SUSD1: variants seen among roughly 807,000 people sequenced by gnomAD.
SUSD1 encodes sushi domain-containing protein 1.
Under a neutral mutation model 86.9 loss-of-function variants are expected in SUSD1, and 65 were observed. The ratio of observed to expected loss-of-function variants is 0.75; its 90% CI spans 0.61 to 0.92. The LOEUF (loss-of-function observed/expected upper bound fraction) is 0.92, where lower values mean the gene tolerates loss of function less well. Ranked by LOEUF, SUSD1 falls within the 40% of genes least tolerant of loss-of-function variation. The pLI, the probability that SUSD1 is intolerant of heterozygous loss-of-function variation, is 0.00. For missense variants in SUSD1, 850 were observed against 929.7 expected (o/e 0.91, Z 1.11); for synonymous variants, 346 against 350.0 (o/e 0.99, Z 0.13).
chr9:112,165,913 G>GAAAGAAAAAGAAAGAAA lies in SUSD1; in HGVS notation c.104-8301_104-8300insTTTCTTTCTTTTTCTTT. Among the ~76,000 whole-genome samples the GAAAGAAAAAGAAAGAAA allele has an allele frequency of 4.5e-5, 3 of 67,306 alleles. No individual in the cohort carries two copies. In the South Asian group the frequency reaches 1.5e-3, roughly 33 times the overall value. The allele number at this position is 67,306 out of a possible 152,430, so 44.2% of individuals were successfully genotyped here. A position where few individuals can be genotyped will look rare whatever the true frequency, so the allele number is the denominator to read the frequency against. On this transcript the variant is annotated intron_variant, in intron 1 of 16. Transcript: ENST00000374270. ...AGAAAGAAAGAAAGGAAGGAAGGAA[G>GAAAGAAAAAGAAAGAAA]GAAGAAAGAAAAGAAAGAAAGAAAG... is the stretch of plus-strand genomic sequence containing the variant.
At chr9:112,135,643 T>A (rs1026141590) in intron 5 of SUSD1, among the ~76,000 whole-genome samples, 3 of 152,176 alleles carry the variant, frequency 2.0e-5, no homozygotes, top group African/African-American at 7.2e-5. Context: ...GGAAAATAAA[T>A]AAATAAGGTA....
At chr9:112,150,272 C>T (rs1832988866) in intron 2 of SUSD1, among the ~76,000 whole-genome samples, 1 of 152,226 alleles carries the variant, frequency 6.6e-6, no homozygotes, top group Non-Finnish European at 1.5e-5. Flanking sequence ...CTCTGCCTAA[C>T]CCTCTAATTT....
rs1455209013 is a variant in SUSD1, at chr9:112,135,211, G to A, written c.706+7109C>T. On this transcript the variant is annotated intron_variant, in intron 5 of 16. Transcript: ENST00000374270. ...CCAAAAGTCTACTTGCTCTTAAGGC[G>A]ATAGAAAGAAAAACAGATTACTTTT... Among the ~76,000 whole-genome samples, 3 of 151,930 alleles carry A rather than the reference G, an allele frequency of 2.0e-5. No individual in the cohort carries two copies. In the South Asian group the frequency reaches 6.2e-4, roughly 31 times the overall value.
intron 12 of SUSD1, among the ~76,000 whole-genome samples, chr9:112,071,537 C>T (rs2762498): frequency 0.13 from 19,181 of 151,976 alleles, 1,281 homozygotes; most frequent in East Asian, 0.22. Context: ...ATATTAATAT[C>T]ACTAATGAAG....
chr9:112,045,921 G>T (rs1589568168), intron 15 of SUSD1, among the ~76,000 whole-genome samples: 1 of 152,186 alleles, frequency 6.6e-6, no homozygotes, highest in Non-Finnish European at 1.5e-5. Flanking sequence ...CCTCACAAAC[G>T]AAGAGGACAA....
In SUSD1 at chr9:112,098,496, T is replaced by G; in HGVS notation, c.1448A>C (p.Gln483Pro). ...LLRSPKRHSV[Q>P]ITIATPPAVK... Reference sequence around the variant, plus strand: ...TGCTGGGGGAGTTGCTATTGTTATTTGCACTGAGTGCCGCTTAGGAGATCT... The same window carrying G: ...TGCTGGGGGAGTTGCTATTGTTATTGGCACTGAGTGCCGCTTAGGAGATCT... The change falls in exon 10 of 17, where the codon CAA (glutamine) becomes CCA (proline). Residue 483 changes from glutamine (Q) to proline (P), a missense_variant. Gln to Pro is a moderately conservative substitution (Grantham distance 76). Transcript: ENST00000374270. The G allele has an allele frequency of 6.2e-7, 1 of 1,614,180 alleles. No individual in the cohort carries two copies. Among genetic ancestry groups the G allele is most frequent in the Non-Finnish European group, 8.5e-7 (1 of 1,179,994 alleles).
intron 12 of SUSD1, among the ~76,000 whole-genome samples, chr9:112,066,487 C>T (rs1036605862): frequency 2.6e-5 from 4 of 151,998 alleles, no homozygotes; most frequent in East Asian, 3.9e-4. Context: ...AGAAGCCAGG[C>T]GAAATAGGCA....
At chr9:112,063,967 T>G (rs1361896505) in intron 12 of SUSD1, among the ~76,000 whole-genome samples, 1 of 150,880 alleles carries the variant, frequency 6.6e-6, no homozygotes, top group East Asian at 2.0e-4. Context: ...CACCTGGCCT[T>G]CTATCCATCC....
intron 1 of SUSD1, among the ~76,000 whole-genome samples, chr9:112,166,300 T>C (rs1833826344): frequency 6.6e-6 from 1 of 152,226 alleles, no homozygotes; most frequent in African/African-American, 2.4e-5. Flanking sequence ...GACTAACTCA[T>C]GCTAGTTTTA....
In SUSD1 at chr9:112,069,255, T is replaced by C. The variant is rs537669983; in HGVS notation, c.1754-6222A>G. ...GTCTAGAATTTCTCCCAGAGTCTCT[T>C]AGACACTGCAATATAGATCATGTTT... On this transcript the variant is annotated intron_variant, in intron 12 of 16. Transcript: ENST00000374270. Among the ~76,000 whole-genome samples the C allele has an allele frequency of 7.2e-5, 11 of 152,260 alleles. 1 individual carries two copies. Among genetic ancestry groups the C allele is most frequent in the Non-Finnish European group, 1.5e-4 (10 of 68,020 alleles).
Position 112,078,744 on chromosome 9 carries a change from A to G in SUSD1, c.1567-20T>C. 6.2e-7 allele frequency: 1 copy of G among 1,601,456 alleles called. No homozygotes were observed. Reference sequence around the variant, plus strand: ...GTGGAACTGAAACATAAAAAAGCTCACTGGGTGAATGGTTGGCCTAAAAGG... The same window carrying G: ...GTGGAACTGAAACATAAAAAAGCTCGCTGGGTGAATGGTTGGCCTAAAAGG... On this transcript the variant is annotated intron_variant, in intron 11 of 16. Transcript: ENST00000374270.
At chr9:112,146,934 C>T (rs1019602780) in intron 3 of SUSD1, among the ~76,000 whole-genome samples, 1 of 152,156 alleles carries the variant, frequency 6.6e-6, no homozygotes, top group Non-Finnish European at 1.5e-5. Context: ...CCATGCCCAG[C>T]CTTCTTCATA....
At chr9:112,156,729 G>GA (rs923886612) in intron 2 of SUSD1, among the ~76,000 whole-genome samples, 51 of 151,964 alleles carry the variant, frequency 3.4e-4, no homozygotes, top group African/African-American at 1.2e-3. Context: ...TCTTTAGGGA[G>GA]AAAAAAAGCA....
At chr9:112,088,894 G>T (rs1830090319) in intron 10 of SUSD1, among the ~76,000 whole-genome samples, 1 of 152,174 alleles carries the variant, frequency 6.6e-6, no homozygotes, top group African/African-American at 2.4e-5. Flanking sequence ...ATCACTTGAG[G>T]TCAGGAGTTT....
chr9:112,157,655 G>A, intron 1 of SUSD1, 42 bp from the exon 2 acceptor site: 1 of 1,524,582 alleles, frequency 6.6e-7, no homozygotes, highest in South Asian at 1.1e-5. Context: ...AAAAATGCAA[G>A]ATGAGACACA....
In SUSD1 at chr9:112,041,102, A is replaced by G. The variant is rs1827716108; in HGVS notation, c.*390T>C. 3.0e-6 allele frequency: 1 copy of G among 333,074 alleles called. No homozygotes were observed. Among genetic ancestry groups the G allele is most frequent in the Non-Finnish European group, 5.5e-6 (1 of 181,482 alleles). The allele number at this position is 333,074 out of a possible 1,614,324, so 20.6% of individuals were successfully genotyped here. ...AATGAATTAACAGAAATGCTTTTAT[A>G]TAGGAGGTTGCAGAGATTCTCTTGC... On this transcript the variant is annotated 3_prime_UTR_variant, in exon 17 of 17. Coordinates refer to ENST00000374270, the MANE Select transcript of SUSD1 (RefSeq NM_022486.5).
At chr9:112,150,887 G>A (rs940030222) in intron 2 of SUSD1, among the ~76,000 whole-genome samples, 1 of 152,220 alleles carries the variant, frequency 6.6e-6, no homozygotes, top group African/African-American at 2.4e-5. Context: ...AGGTAAGTCA[G>A]TGAGTGAGTG....
At chr9:112,053,398 C>A (rs903257469) in intron 14 of SUSD1, among the ~76,000 whole-genome samples, 1 of 150,776 alleles carries the variant, frequency 6.6e-6, no homozygotes, top group East Asian at 1.9e-4. Context: ...GCCTGTACTC[C>A]CAGCTACTTG....
chr9:112,047,227 G>C (rs1175250436), intron 15 of SUSD1, among the ~76,000 whole-genome samples: 5 of 152,122 alleles, frequency 3.3e-5, no homozygotes, highest in Non-Finnish European at 7.4e-5. Context: ...AGAGAGTAAA[G>C]GAGGAAGTGC....
Sources: allele counts gnomAD v4.1 joint callset (sites outside exome capture counted in the v4.1 genomes callset), GRCh38; gene constraint gnomAD v4.1.1; transcripts MANE v1.5; gene names NCBI Gene and HGNC (gene_info 2026-07-23, HGNC 2026-07-21).